COL4A4: variants seen among roughly 807,000 people sequenced by gnomAD.
COL4A4 encodes collagen alpha-4(IV) chain.
A neutral mutation model predicts 192.9 loss-of-function variants in COL4A4; 105 were observed. The observed-to-expected ratio is 0.54, with a 90% CI of 0.46 to 0.64. COL4A4 has a LOEUF of 0.64. COL4A4 is among the 30% of genes least tolerant of loss of function. COL4A4 has a pLI of 0.00. For synonymous variants in COL4A4, 762 were observed against 769.9 expected, an observed-to-expected ratio of 0.99 and a Z score of 0.17; for missense variants, 1,967 against 2,169.3, an observed-to-expected ratio of 0.91 and a Z score of 1.85.
chr2:227,139,101 GA>G (rs1455404516), intron 4 of COL4A4, among the ~76,000 whole-genome samples: 1 of 152,176 alleles, frequency 6.6e-6, no homozygotes, highest in East Asian at 1.9e-4. Context: ...TGGGACCCCA[GA>G]GGACTCTTTC....
chr2:227,002,134 A>AACTC (rs1961121606), downstream of COL4A4, among the ~76,000 whole-genome samples: 1 of 146,710 alleles, frequency 6.8e-6, no homozygotes, highest in African/African-American at 2.5e-5. Flanking sequence ...TGTACCACTG[A>AACTC]ACTCCAGCCT....
At chr2:226,975,969 T>G in the COL4A4 span, among the ~76,000 whole-genome samples, 1 of 151,966 alleles carries the variant, frequency 6.6e-6, no homozygotes, top group African/African-American at 2.4e-5. Context: ...TGGGGAACAG[T>G]CACACTCATG....
intron 1 of COL4A4, among the ~76,000 whole-genome samples, chr2:227,158,065 C>T (rs527884543): frequency 3.9e-5 from 6 of 151,976 alleles, no homozygotes; most frequent in Admixed American, 6.5e-5. Flanking sequence ...ATAGCCTAAG[C>T]AATTTTTATA....
the COL4A4 span, among the ~76,000 whole-genome samples, chr2:226,994,644 A>G: frequency 6.6e-6 from 1 of 152,148 alleles, no homozygotes; most frequent in Non-Finnish European, 1.5e-5. Flanking sequence ...TGGTTTCCTC[A>G]TGGGGAATAT....
At chr2:227,050,756 A>G (rs2150179046) in intron 33 of COL4A4, among the ~76,000 whole-genome samples, 1 of 152,298 alleles carries the variant, frequency 6.6e-6, no homozygotes, top group Middle Eastern at 3.4e-3. Flanking sequence ...TAGCGATTAT[A>G]TGACTCTATG....
At chr2:227,050,674 G>A (rs1239139132) in intron 33 of COL4A4, among the ~76,000 whole-genome samples, 1 of 152,156 alleles carries the variant, frequency 6.6e-6, no homozygotes, top group Admixed American at 6.5e-5. Context: ...GATTTTTCAG[G>A]ACGACTTTCA....
Position 227,005,977 on chromosome 2 carries a change from A to G in COL4A4, c.*1348T>C, listed in dbSNP as rs1962003073. Reference sequence around the variant, plus strand: ...ATCATTATAAATTGACACACATTCTAAACTTTTTTAGAAAATACTAATGCC... The same window carrying G: ...ATCATTATAAATTGACACACATTCTGAACTTTTTTAGAAAATACTAATGCC... On this transcript the variant is annotated 3_prime_UTR_variant, in exon 48 of 48. Transcript: ENST00000396625. 1.3e-5 allele frequency: 2 copies of G among 152,318 alleles called. No homozygotes were observed. The highest frequency in any genetic ancestry group is 1.3e-4 in the Admixed American group (2 of 15,286). 9.4% of individuals were successfully genotyped at this position (152,318 alleles called of 1,614,324 possible). A position where few individuals can be genotyped will look rare whatever the true frequency, so the allele number is the denominator to read the frequency against.
At chr2:227,101,754 G>T in intron 16 of COL4A4, 111 bp downstream of exon 16, 2 of 1,080,794 alleles carry the variant, frequency 1.9e-6, no homozygotes. Flanking sequence ...AAATGAATGT[G>T]TCTGCCTTCC....
At chr2:227,155,887 C>G (rs571649736) in intron 1 of COL4A4, among the ~76,000 whole-genome samples, 7 of 152,308 alleles carry the variant, frequency 4.6e-5, no homozygotes, top group African/African-American at 1.7e-4. Flanking sequence ...CTAAAAATTA[C>G]ACTTCGCCAT....
intron 25 of COL4A4, among the ~76,000 whole-genome samples, chr2:227,072,648 A>T (rs1302235323): frequency 6.6e-6 from 1 of 151,980 alleles, no homozygotes; most frequent in East Asian, 1.9e-4. Context: ...TAGATGCAAA[A>T]ATCCTCAACA....
At chr2:227,069,494 C>T (rs1428382592) in intron 25 of COL4A4, among the ~76,000 whole-genome samples, 8 of 151,550 alleles carry the variant, frequency 5.3e-5, no homozygotes, top group Non-Finnish European at 7.4e-5. Flanking sequence ...GTAACCAAAA[C>T]AGCATGGTAC....
intron 1 of COL4A4, among the ~76,000 whole-genome samples, chr2:227,161,374 A>G (rs1315217144): frequency 1.3e-5 from 2 of 152,222 alleles, no homozygotes; most frequent in African/African-American, 4.8e-5. Flanking sequence ...AAACTCCTAC[A>G]TGGCATCAAA....
intron 8 of COL4A4, among the ~76,000 whole-genome samples, chr2:227,112,525 T>C (rs1188279896): frequency 6.6e-6 from 1 of 152,214 alleles, no homozygotes; most frequent in East Asian, 1.9e-4. Flanking sequence ...CGCCTTGGCC[T>C]TCCAAAGTGC....
intron 1 of COL4A4, among the ~76,000 whole-genome samples, chr2:227,163,710 G>A (rs922283617): frequency 3.9e-5 from 6 of 152,252 alleles, no homozygotes; most frequent in African/African-American, 1.4e-4. Context: ...CAACTCAGCG[G>A]AGAATAAGAT....
chr2:227,108,315 A>C (rs2060979370), intron 12 of COL4A4, among the ~76,000 whole-genome samples: 1 of 152,234 alleles, frequency 6.6e-6, no homozygotes, highest in Non-Finnish European at 1.5e-5. Context: ...TCTGGACATA[A>C]TATATTGTCA....
At chr2:227,117,441 T>C (rs1230063905) in intron 7 of COL4A4, among the ~76,000 whole-genome samples, 1 of 152,238 alleles carries the variant, frequency 6.6e-6, no homozygotes, top group African/African-American at 2.4e-5. Context: ...TGAAAGGTGG[T>C]GGATGTTCTT....
the COL4A4 span, among the ~76,000 whole-genome samples, chr2:226,974,708 C>A: frequency 2.7e-4 from 41 of 152,158 alleles, no homozygotes; most frequent in Non-Finnish European, 4.9e-4. Flanking sequence ...TTCCAGGCAC[C>A]AGGATCCTCT....
chr2:227,002,384 G>A (rs1458296504), downstream of COL4A4, among the ~76,000 whole-genome samples: 2 of 152,218 alleles, frequency 1.3e-5, no homozygotes, highest in African/African-American at 4.8e-5. Flanking sequence ...ATGCTGTGAA[G>A]CAAATGGTCT....
chr2:227,148,944 C>T (rs1317061863), intron 1 of COL4A4, among the ~76,000 whole-genome samples: 4 of 151,496 alleles, frequency 2.6e-5, no homozygotes, highest in South Asian at 2.1e-4. Flanking sequence ...TGGGTTCAAG[C>T]GATTCTTCTG....
Sources: gnomAD v4.1 joint callset for allele counts (sites outside exome capture counted in the v4.1 genomes callset) on GRCh38, gnomAD v4.1.1 for gene constraint, MANE v1.5 for transcripts, NCBI Gene and HGNC (gene_info 2026-07-23, HGNC 2026-07-21) for gene names.